SHROOM3: variants seen among roughly 807,000 people sequenced by gnomAD.
SHROOM3 encodes protein Shroom3.
Under a neutral mutation model 138.6 loss-of-function variants are expected in SHROOM3, and 47 were observed. The ratio of observed to expected loss-of-function variants is 0.34; its 90% CI spans 0.27 to 0.43. SHROOM3 has a LOEUF of 0.43. SHROOM3 is among the 20% of genes least tolerant of loss of function. SHROOM3 has a pLI of 1.00. For missense variants in SHROOM3, 2,491 were observed against 2,596.5 expected (o/e 0.96, Z 0.88); for synonymous variants, 1,062 against 1,063.3 (o/e 1.00, Z 0.02).
At chr4:76,676,424 T>TATCAATAGA (rs1291834770) in intron 2 of SHROOM3, among the ~76,000 whole-genome samples, 33 of 152,210 alleles carry the variant, frequency 2.2e-4, no homozygotes, top group Non-Finnish European at 4.0e-4. Context: ...AAGATTTTTG[T>TATCAATAGA]TTTAATGGTA....
At chr4:76,477,693 C>T (rs905753893) in intron 1 of SHROOM3, among the ~76,000 whole-genome samples, 2 of 152,016 alleles carry the variant, frequency 1.3e-5, no homozygotes, top group African/African-American at 2.4e-5. Context: ...GCAAGATGGC[C>T]GAATAGGAAC....
At chr4:76,726,113 G>A (rs1454642236) in intron 3 of SHROOM3, among the ~76,000 whole-genome samples, 1 of 152,018 alleles carries the variant, frequency 6.6e-6, no homozygotes, top group Non-Finnish European at 1.5e-5. Flanking sequence ...CAAATCCAGT[G>A]GCCATGCATC....
rs553430895 is a variant in SHROOM3 at position 76,741,639 on chromosome 4, C to T, written c.3466C>T (p.Leu1156=). The change falls in exon 5 of 11, where the codon CTG becomes TTG. Residue 1156 remains leucine, a synonymous_variant. Transcript: ENST00000296043. The surrounding 1 kb of genome is among the most constrained non-coding windows in gnomAD (Gnocchi z 6.2). ...GCAGCCCCGCAGGGAGGCCACGCTC[C>T]TGCCGGCCACAGTTGCAGAAACCCA... The part of the protein sequence containing the change: ...SLQPRREATL[L]PATVAETQQA... The T allele has an allele frequency of 6.5e-7, 1 of 1,544,410 alleles. No individual in the cohort carries two copies. The highest frequency in any genetic ancestry group is 2.4e-5 in the East Asian group (1 of 41,398).
At chr4:76,632,362 C>G (rs1735350927) in intron 2 of SHROOM3, among the ~76,000 whole-genome samples, 1 of 152,020 alleles carries the variant, frequency 6.6e-6, no homozygotes, top group African/African-American at 2.4e-5. Flanking sequence ...AGGAGATGGA[C>G]CCAGCAAAGG....
intron 3 of SHROOM3, among the ~76,000 whole-genome samples, chr4:76,714,879 T>C (rs1417480590): frequency 6.6e-6 from 1 of 152,244 alleles, no homozygotes; most frequent in Non-Finnish European, 1.5e-5. Flanking sequence ...ACTACTGTTA[T>C]TTATTTTGTT....
chr4:76,703,218 G>A (rs1192371289), intron 2 of SHROOM3, among the ~76,000 whole-genome samples: 1 of 152,144 alleles, frequency 6.6e-6, no homozygotes, highest in Non-Finnish European at 1.5e-5. Context: ...GAGGCTTTAA[G>A]TACAAATGAA....
intron 1 of SHROOM3, among the ~76,000 whole-genome samples, chr4:76,539,153 T>C (rs552534115): frequency 1.1e-4 from 17 of 152,304 alleles, no homozygotes; most frequent in Middle Eastern, 6.8e-3. Context: ...AATATTTACC[T>C]CATAAATATT....
At chr4:76,586,106 G>T (rs780101036) in intron 2 of SHROOM3, 1 of 325,476 alleles carries the variant, frequency 3.1e-6, no homozygotes, top group Non-Finnish European at 4.4e-6. Flanking sequence ...GGTGGAAACC[G>T]GTTCTCAGGT....
chr4:76,738,803 A>G lies in SHROOM3; in HGVS notation c.630A>G (p.Leu210=), dbSNP rs184494467. The change falls in exon 5 of 11, where the codon CTA becomes CTG. Residue 210 remains leucine (L), a synonymous_variant. Transcript: ENST00000296043. ...TCTCCAACTATGACCATGCTTATCT[A>G]AGGCGGAGCCCTGACCAGTGCAGCT... ...SDLSNYDHAY[L]RRSPDQCSSQ... 2 of 1,614,236 alleles carry G rather than the reference A, an allele frequency of 1.2e-6. No homozygotes were observed. The highest frequency in any genetic ancestry group is 1.7e-5 in the Admixed American group (1 of 60,030).
Position 76,754,756 on chromosome 4 carries a change from T to A in SHROOM3, c.4273T>A (p.Trp1425Arg). Reference protein sequence around the residue: ...GTRKRVSLPQWPPPSRAKWAH... With the variant: ...GTRKRVSLPQRPPPSRAKWAH... ...GAGGAAGAGGGTCTCGCTGCCTCAG[T>A]GGCCACCTCCTTCTCGAGCAAAGTG... The change falls in exon 7 of 11, where the codon TGG (tryptophan) becomes AGG (arginine). Residue 1425 changes from tryptophan to arginine, a missense_variant. Coordinates refer to ENST00000296043, the MANE Select transcript of SHROOM3 (RefSeq NM_020859.4). The A allele has an allele frequency of 6.2e-7, 1 of 1,614,158 alleles. No individual in the cohort carries two copies. Among genetic ancestry groups the A allele is most frequent in the Non-Finnish European group, 8.5e-7 (1 of 1,180,006 alleles).
rs1733533050 is a variant in SHROOM3, at chr4:76,558,511, C to A, written c.323+2748C>A. On this transcript the variant is annotated intron_variant, in intron 2 of 10. Transcript: ENST00000296043. ...GGTTCCCTGGTTATCTGGAGGCCCC[C>A]CCTTTCATTCTCTTAGTGAGTTTAC... Among the ~76,000 whole-genome samples the A allele has an allele frequency of 2.0e-5, 3 of 152,106 alleles. No homozygotes were observed. In the South Asian group the frequency reaches 6.2e-4, roughly 32 times the overall value.
At chr4:76,608,089 C>T (rs900725490) in intron 2 of SHROOM3, among the ~76,000 whole-genome samples, 2 of 152,182 alleles carry the variant, frequency 1.3e-5, no homozygotes, top group East Asian at 3.9e-4. Flanking sequence ...CTGAGGGATG[C>T]CTTCTCCTCC....
chr4:76,473,103 T>G (rs1427888763), intron 1 of SHROOM3, among the ~76,000 whole-genome samples: 1 of 152,208 alleles, frequency 6.6e-6, no homozygotes, highest in Admixed American at 6.5e-5. Context: ...AGTTGTACAA[T>G]ATATACGATT....
intron 9 of SHROOM3, among the ~76,000 whole-genome samples, chr4:76,767,023 A>C (rs1469152622): frequency 2.0e-5 from 3 of 152,186 alleles, no homozygotes; most frequent in African/African-American, 7.2e-5. Context: ...GGGTACACAC[A>C]TGCTCCTGTG....
At chr4:76,679,941 T>C (rs571645461) in intron 2 of SHROOM3, among the ~76,000 whole-genome samples, 1 of 152,350 alleles carries the variant, frequency 6.6e-6, no homozygotes, top group South Asian at 2.1e-4. Flanking sequence ...AAGAGTCAAA[T>C]GCCCTTCACA....
chr4:76,638,787 AGAAAT>A (rs1420045344), intron 2 of SHROOM3: 1 of 152,234 alleles, frequency 6.6e-6, no homozygotes, highest in Non-Finnish European at 1.5e-5. Flanking sequence ...AGAGCAAGAT[AGAAAT>A]GAAATGATCC....
At chr4:76,676,256 A>G (rs1560587935) in intron 2 of SHROOM3, among the ~76,000 whole-genome samples, 1 of 152,200 alleles carries the variant, frequency 6.6e-6, no homozygotes, top group Admixed American at 6.5e-5. Context: ...AAAGGGGGAC[A>G]AGGAGGATAG....
intron 2 of SHROOM3, among the ~76,000 whole-genome samples, chr4:76,595,798 G>A (rs1185919791): frequency 2.0e-5 from 3 of 152,128 alleles, no homozygotes; most frequent in Non-Finnish European, 4.4e-5. Flanking sequence ...GTAAAACAGG[G>A]GACAGTAACC....
intron 2 of SHROOM3, among the ~76,000 whole-genome samples, chr4:76,639,949 C>T (rs1186679235): frequency 2.6e-5 from 4 of 151,990 alleles, no homozygotes; most frequent in Admixed American, 2.6e-4. Flanking sequence ...AGTTATAATA[C>T]GAGAGTAATT....
Sources: allele counts gnomAD v4.1 joint callset (sites outside exome capture counted in the v4.1 genomes callset), GRCh38; gene constraint gnomAD v4.1.1; non-coding constraint Gnocchi (gnomAD v3.1); transcripts MANE v1.5; gene names NCBI Gene and HGNC (gene_info 2026-07-23, HGNC 2026-07-21).